RNLS: variants seen among roughly 807,000 people sequenced by gnomAD.
RNLS encodes the protein renalase, FAD dependent amine oxidase.
RNLS carries 39 observed loss-of-function variants against 39.8 expected under a neutral mutation model. That is an observed-to-expected ratio of 0.98 (90% CI 0.76 to 1.28). The LOEUF is 1.28. Ranked by LOEUF, RNLS falls within the 50% of genes most tolerant of loss-of-function variation. The pLI, the probability that RNLS is intolerant of heterozygous loss-of-function variation, is 0.00. For synonymous variants in RNLS, 147 were observed against 150.7 expected (o/e 0.98, Z 0.18); for missense variants, 410 against 413.3 (o/e 0.99, Z 0.07).
At chr10:88,350,888 C>T (rs181662830) in intron 5 of RNLS, among the ~76,000 whole-genome samples, 1 of 152,308 alleles carries the variant, frequency 6.6e-6, no homozygotes, top group African/African-American at 2.4e-5. Flanking sequence ...TCCTCTCCAG[C>T]ACCTGTTGTT....
At chr10:88,324,817 C>T (rs1425656573) in intron 5 of RNLS, among the ~76,000 whole-genome samples, 7 of 152,160 alleles carry the variant, frequency 4.6e-5, no homozygotes, top group African/African-American at 1.7e-4. Context: ...TCTCCCTTCC[C>T]CAGCCCTGGC....
intron 6 of RNLS, among the ~76,000 whole-genome samples, chr10:88,312,509 C>A (rs189875785): frequency 2.0e-5 from 3 of 152,010 alleles, no homozygotes; most frequent in Non-Finnish European, 4.4e-5. Flanking sequence ...TTTGTTACAA[C>A]AACAATAGGA....
chr10:88,484,294 G>T (rs892714604), intron 4 of RNLS, among the ~76,000 whole-genome samples: 3 of 151,910 alleles, frequency 2.0e-5, no homozygotes, highest in Non-Finnish European at 4.4e-5. Context: ...AAAAAGATAG[G>T]CTTCCTTCTT....
chr10:88,442,298 T>C (rs1841758655), intron 4 of RNLS, among the ~76,000 whole-genome samples: 1 of 152,202 alleles, frequency 6.6e-6, no homozygotes. Flanking sequence ...ATACCAAAAC[T>C]TCATTCACTT....
intron 4 of RNLS, among the ~76,000 whole-genome samples, chr10:88,441,185 T>C (rs1455969607): frequency 1.3e-5 from 2 of 152,210 alleles, no homozygotes; most frequent in Non-Finnish European, 2.9e-5. Flanking sequence ...ATTAACGTGC[T>C]TTTGGGAACC....
At chr10:88,522,783 T>TAAG (rs1464618669) in intron 4 of RNLS, among the ~76,000 whole-genome samples, 2 of 152,140 alleles carry the variant, frequency 1.3e-5, no homozygotes, top group African/African-American at 2.4e-5. Flanking sequence ...TTATTTAACC[T>TAAG]AAGAAGAAGA....
chr10:88,562,229 A>G (rs1487154411), intron 4 of RNLS, among the ~76,000 whole-genome samples: 3 of 152,148 alleles, frequency 2.0e-5, no homozygotes, highest in Non-Finnish European at 4.4e-5. Flanking sequence ...GAATATGTAA[A>G]CAAGGATGTT....
intron 4 of RNLS, among the ~76,000 whole-genome samples, chr10:88,373,939 A>C (rs1850765529): frequency 6.6e-6 from 1 of 152,110 alleles, no homozygotes; most frequent in Non-Finnish European, 1.5e-5. Flanking sequence ...CTGTATAATA[A>C]TATAATGTGA....
At chr10:88,568,600 G>A (rs1313101550) in intron 4 of RNLS, among the ~76,000 whole-genome samples, 3 of 151,946 alleles carry the variant, frequency 2.0e-5, no homozygotes, top group Non-Finnish European at 4.4e-5. Flanking sequence ...GAGGTCCCAA[G>A]CAGGGAAGAG....
the RNLS span, among the ~76,000 whole-genome samples, chr10:88,229,746 G>T: frequency 1.3e-5 from 2 of 152,120 alleles, no homozygotes; most frequent in East Asian, 1.9e-4. Context: ...TGAACAGTTT[G>T]TTTAAACAGA....
At chr10:88,517,048 T>A (rs1020865265) in intron 4 of RNLS, among the ~76,000 whole-genome samples, 12 of 152,002 alleles carry the variant, frequency 7.9e-5, no homozygotes, top group Admixed American at 7.2e-4. Context: ...ATAGCTATGA[T>A]CTGGAGGTGA....
At chr10:88,369,656 C>A (rs1355888078) in intron 4 of RNLS, among the ~76,000 whole-genome samples, 3 of 152,038 alleles carry the variant, frequency 2.0e-5, no homozygotes, top group Non-Finnish European at 4.4e-5. Context: ...CTTAACCGTG[C>A]CCACTGTTTT....
At chr10:88,269,199 T>C (rs918052254), downstream of RNLS, among the ~76,000 whole-genome samples, 7 of 152,190 alleles carry the variant, frequency 4.6e-5, no homozygotes, top group Non-Finnish European at 8.8e-5. Flanking sequence ...TTTAAACATA[T>C]TTGACAACCA....
At chr10:88,480,226 C>T (rs114280148) in intron 4 of RNLS, among the ~76,000 whole-genome samples, 1 of 152,210 alleles carries the variant, frequency 6.6e-6, no homozygotes, top group Admixed American at 6.5e-5. Flanking sequence ...CGTTCCTTTA[C>T]CTAGGTAATC....
chr10:88,203,615 T>C, the RNLS span, among the ~76,000 whole-genome samples: 1 of 150,010 alleles, frequency 6.7e-6, no homozygotes, highest in Non-Finnish European at 1.5e-5. Flanking sequence ...ATTCTGGACC[T>C]ACTGAATCAG....
rs928823484 is a variant in RNLS at position 88,566,779 on chromosome 10, T to C, written c.526+6124A>G. On this transcript the variant is annotated intron_variant, in intron 4 of 6. Coordinates refer to ENST00000331772, the MANE Select transcript of RNLS (RefSeq NM_001031709.3). Reference sequence around the variant, plus strand: ...TTTTGTAGATACTCTGAGATCATAATAAATGAAACAAATAAATCTTCCAAT... The same window carrying C: ...TTTTGTAGATACTCTGAGATCATAACAAATGAAACAAATAAATCTTCCAAT... Among the ~76,000 whole-genome samples the C allele has an allele frequency of 2.0e-5, 3 of 152,166 alleles. No individual in the cohort carries two copies. In the South Asian group the frequency reaches 6.2e-4, roughly 32 times the overall value.
chr10:88,323,447 C>A (rs1392870298), intron 5 of RNLS, among the ~76,000 whole-genome samples: 1 of 152,060 alleles, frequency 6.6e-6, no homozygotes, highest in African/African-American at 2.4e-5. Flanking sequence ...AGAAATAAAT[C>A]CATATACCTA....
chr10:88,534,042 T>C (rs1024269251), intron 4 of RNLS, among the ~76,000 whole-genome samples: 3 of 151,842 alleles, frequency 2.0e-5, no homozygotes, highest in Non-Finnish European at 4.4e-5. Flanking sequence ...GAGTTAGAAG[T>C]AGAACAAGGA....
intron 5 of RNLS, among the ~76,000 whole-genome samples, chr10:88,324,242 A>G (rs1846399549): frequency 6.6e-6 from 1 of 152,092 alleles, no homozygotes; most frequent in Non-Finnish European, 1.5e-5. Context: ...TATCTACCCA[A>G]AGGAAAAAAA....
Sources: gnomAD v4.1 joint callset for allele counts (sites outside exome capture counted in the v4.1 genomes callset) on GRCh38, gnomAD v4.1.1 for gene constraint, MANE v1.5 for transcripts, NCBI Gene and HGNC (gene_info 2026-07-23, HGNC 2026-07-21) for gene names.